Variants in PCDHGB1 observed in about 807,000 individuals in gnomAD.
The protein encoded by PCDHGB1 is protocadherin gamma subfamily B, 1.
A neutral mutation model predicts 56.6 loss-of-function variants in PCDHGB1; 34 were observed. That is an observed-to-expected ratio of 0.60 (90% CI 0.46 to 0.80). The LOEUF (loss-of-function observed/expected upper bound fraction) is 0.80. Among genes scored for constraint, PCDHGB1 ranks in the 30% least tolerant of loss-of-function variants. The pLI, the probability that PCDHGB1 is intolerant of heterozygous loss-of-function variation, is 0.00. For synonymous variants in PCDHGB1, 561 were observed against 505.9 expected, an observed-to-expected ratio of 1.11 and a Z score of -1.46; for missense variants, 1,278 against 1,204.6, an observed-to-expected ratio of 1.06 and a Z score of -0.90.
chr5:141,413,352 G>A (rs896091511), intron 1 of PCDHGB1: 1 of 1,613,976 alleles, frequency 6.2e-7, no homozygotes, highest in African/African-American at 1.3e-5. Flanking sequence ...TGGGTCTGGC[G>A]CCCCGGGAGC....
Position 141,432,097 on chromosome 5 carries a change from C to G in PCDHGB1, c.2410-62710C>G. ...TCTCGCTGAACGTGGCAGACACCAA[C>G]GACAACCCGCCGGTCTTCCCTCAGG... On this transcript the variant is annotated intron_variant, in intron 1 of 3. Transcript: ENST00000523390. This position sits in a 1 kb window ranked among gnomAD's most constrained non-coding sequence, Gnocchi z 6.0. The G allele has an allele frequency of 6.2e-7, 1 of 1,614,184 alleles. No homozygotes were observed.
At chr5:141,411,895 A>G (rs945335839) in intron 1 of PCDHGB1, 1 of 152,254 alleles carries the variant, frequency 6.6e-6, no homozygotes, top group Non-Finnish European at 1.5e-5. Context: ...TAAATGAAAT[A>G]CTATTGCCTT....
chr5:141,433,262 T>C (rs2097580507), intron 1 of PCDHGB1: 1 of 1,339,318 alleles, frequency 7.5e-7, no homozygotes, highest in Non-Finnish European at 1.0e-6. Context: ...GGTACGATCA[T>C]AGCTCACTGC....
At chr5:141,383,558 C>A (rs374657057) in intron 1 of PCDHGB1, 1 of 1,612,822 alleles carries the variant, frequency 6.2e-7, no homozygotes, top group Admixed American at 1.7e-5. Flanking sequence ...GGCGGCGACC[C>A]GCCCCGATCC....
At chr5:141,423,294 C>T (rs1222440954) in intron 1 of PCDHGB1, 22 of 1,614,036 alleles carry the variant, frequency 1.4e-5, no homozygotes, top group Admixed American at 1.3e-4. Flanking sequence ...AAACCTCAGA[C>T]CTCTCGCTGT....
chr5:141,486,399 C>G lies in PCDHGB1; in HGVS notation c.2410-8408C>G. On this transcript the variant is annotated intron_variant, in intron 1 of 3. Transcript: ENST00000523390. The surrounding 1 kb of genome is among the most constrained non-coding windows in gnomAD (Gnocchi z 5.0). ...TTCAGGAACCAGTTCTCCCTGGTGA[C>G]TGCTGGACCCTTGGATCGAGAGGCC... The G allele has an allele frequency of 6.2e-7, 1 of 1,614,188 alleles. No individual in the cohort carries two copies. The highest frequency in any genetic ancestry group is 1.1e-5 in the South Asian group (1 of 91,090).
chr5:141,357,184 G>A lies in PCDHGB1; in HGVS notation c.2409+4515G>A, dbSNP rs766733303. The A allele has an allele frequency of 3.1e-6, 5 of 1,613,780 alleles. No homozygotes were observed. In the South Asian group the frequency reaches 5.5e-5, roughly 18 times the overall value. ...TCTCTCGGCCACCGTCACACTCACT[G>A]TGGCTGTGGCCGACAGCATCCCAGA... On this transcript the variant is annotated intron_variant, in intron 1 of 3. Coordinates refer to ENST00000523390, the MANE Select transcript of PCDHGB1 (RefSeq NM_018922.3).
At chr5:141,466,515 TTTTCCTCCCAAATTGA>T (rs2099124043) in intron 1 of PCDHGB1, among the ~76,000 whole-genome samples, 1 of 152,232 alleles carries the variant, frequency 6.6e-6, no homozygotes, top group Admixed American at 6.5e-5. Context: ...AGATCATTTT[TTTTCCTCCCAAATTGA>T]TGTAGATGGT....
At chr5:141,371,661 A>G (rs1767926487) in intron 1 of PCDHGB1, 2 of 1,614,044 alleles carry the variant, frequency 1.2e-6, no homozygotes, top group Admixed American at 1.7e-5. Context: ...TGTGACGATC[A>G]CAGCTACCGA....
intron 1 of PCDHGB1, chr5:141,389,914 C>T (rs754458764): frequency 6.2e-7 from 1 of 1,613,956 alleles, no homozygotes; most frequent in South Asian, 1.1e-5. Flanking sequence ...ACTGACCGCC[C>T]CGACCCCTCT....
chr5:141,404,952 G>T, intron 1 of PCDHGB1: 1 of 1,614,030 alleles, frequency 6.2e-7, no homozygotes, highest in Non-Finnish European at 8.5e-7. Flanking sequence ...ATAGCTGACA[G>T]CATCCCAGAC....
At chr5:141,421,025 A>C (rs1047305594) in intron 1 of PCDHGB1, 4 of 526,168 alleles carry the variant, frequency 7.6e-6, no homozygotes, top group African/African-American at 5.9e-5. Context: ...GCTGCGCGCC[A>C]TTGAGTCCCT....
intron 1 of PCDHGB1, chr5:141,360,795 A>T (rs755316172): frequency 6.2e-6 from 10 of 1,613,818 alleles, no homozygotes; most frequent in South Asian, 4.4e-5. Context: ...GCGGAGACCC[A>T]CCTCAAAGTG....
chr5:141,494,173 G>C (rs554811420), intron 1 of PCDHGB1, among the ~76,000 whole-genome samples: 2 of 152,304 alleles, frequency 1.3e-5, no homozygotes, highest in South Asian at 2.1e-4. Flanking sequence ...CTAGGGGTGA[G>C]AAGTGTCCCG....
chr5:141,487,135 A>G lies in PCDHGB1; in HGVS notation c.2410-7672A>G. 6.2e-7 allele frequency: 1 copy of G among 1,613,544 alleles called. No individual in the cohort carries two copies. The highest frequency in any genetic ancestry group is 8.5e-7 in the Non-Finnish European group (1 of 1,179,856). ...TGGTAAAGGATAGTGGTAGTCCACC[A>G]CTCTCTACCTCTGTTACTCTCTTAG... On this transcript the variant is annotated intron_variant, in intron 1 of 3. Transcript: ENST00000523390. The surrounding 1 kb of genome is among the most constrained non-coding windows in gnomAD (Gnocchi z 5.0).
Position 141,511,429 on chromosome 5 carries a change from G to A in PCDHGB1, c.*256G>A, listed in dbSNP as rs1414641314. 1.3e-6 allele frequency: 1 copy of A among 769,620 alleles called. No individual in the cohort carries two copies. The highest frequency in any genetic ancestry group is 2.0e-6 in the Non-Finnish European group (1 of 505,154). The allele number at this position is 769,620 out of a possible 1,614,324, so 47.7% of individuals were successfully genotyped here. On this transcript the variant is annotated 3_prime_UTR_variant, in exon 4 of 4. Transcript: ENST00000523390. The stretch of plus-strand genomic sequence containing the variant: ...CTGCTGTACCCATGGGGGTAGTGGG[G>A]TTACTGTAGACACCAAGAACCATTT...
chr5:141,384,485 A>G (rs1410076707), intron 1 of PCDHGB1: 1 of 1,614,130 alleles, frequency 6.2e-7, no homozygotes, highest in Non-Finnish European at 8.5e-7. Context: ...AGAGAACTAC[A>G]ACTAAGAGTG....
chr5:141,400,254 G>T, intron 1 of PCDHGB1: 1 of 1,613,980 alleles, frequency 6.2e-7, no homozygotes, highest in Non-Finnish European at 8.5e-7. Flanking sequence ...CCGTTGCCTT[G>T]CGCCTGCGAC....
chr5:141,390,124 C>T (rs369369148), intron 1 of PCDHGB1: 24 of 1,613,924 alleles, frequency 1.5e-5, no homozygotes, highest in Non-Finnish European at 1.9e-5. Context: ...GGGACTTTGC[C>T]TTATTCCTAC....
Sources: allele counts gnomAD v4.1 joint callset (sites outside exome capture counted in the v4.1 genomes callset), GRCh38; gene constraint gnomAD v4.1.1; non-coding constraint Gnocchi (gnomAD v3.1); transcripts MANE v1.5; gene names NCBI Gene and HGNC (gene_info 2026-07-23, HGNC 2026-07-21).